The following WHRN variants were observed in gnomAD, a reference collection of about 807,000 sequenced individuals.
WHRN encodes the protein CASK-interacting protein CIP98.
WHRN carries 41 observed loss-of-function variants against 68.3 expected under a neutral mutation model. The observed-to-expected ratio is 0.60, with a 90% CI of 0.47 to 0.78. WHRN has a LOEUF of 0.78. Ranked by LOEUF, WHRN falls within the 30% of genes least tolerant of loss-of-function variation. The probability of loss-of-function intolerance (pLI) is 0.00; values close to 1 mark genes in which losing one functional copy is unlikely to be tolerated. For synonymous variants in WHRN, 560 were observed against 561.3 expected (o/e 1.00, Z 0.03); for missense variants, 1,243 against 1,244.7 (o/e 1.00, Z 0.02).
intron 1 of WHRN, among the ~76,000 whole-genome samples, chr9:114,482,511 A>G (rs916924417): frequency 4.6e-5 from 7 of 152,108 alleles, no homozygotes; most frequent in Non-Finnish European, 8.8e-5. Context: ...GAGAAGGACA[A>G]TGCTCACCTC....
Position 114,497,348 on chromosome 9 carries a change from G to A in WHRN, c.618+6836C>T, listed in dbSNP as rs1006082788. On this transcript the variant is annotated intron_variant, in intron 1 of 11. Transcript: ENST00000362057. The stretch of plus-strand genomic sequence containing the variant: ...GCAAAAGGAACACAAATTCTCAAAC[G>A]GGGAAGGAGCCAAAGGTGCTGGGAC... 2.6e-5 allele frequency among the ~76,000 whole-genome samples: 4 copies of A among 152,254 alleles called. No individual in the cohort carries two copies. In the East Asian group the frequency reaches 5.8e-4, roughly 22 times the overall value.
chr9:114,504,423 AGGC>A lies in WHRN; in HGVS notation c.376_378del (p.Ala126del), dbSNP rs777938907. The A allele has an allele frequency of 2.6e-5, 42 of 1,606,338 alleles. No individual in the cohort carries two copies. The highest frequency in any genetic ancestry group is 3.5e-5 in the Non-Finnish European group (41 of 1,179,458). On this transcript the variant is annotated inframe_deletion, in exon 1 of 12. Transcript: ENST00000362057. ...GGCCCCGCGCTGTCGGGGCCGCCCC[AGGC>A]GGGCTGCCTGTAGGGGGTGGTGGCG... is the stretch of plus-strand genomic sequence containing the variant.
At chr9:114,422,675 A>C (rs1018860485) in intron 7 of WHRN, among the ~76,000 whole-genome samples, 8 of 152,132 alleles carry the variant, frequency 5.3e-5, no homozygotes, top group Non-Finnish European at 1.2e-4. Context: ...CTCTACCCAA[A>C]AATACAAAAA....
chr9:114,426,020 T>G (rs150121300), intron 4 of WHRN, 191 bp downstream of exon 4: 1 of 699,448 alleles, frequency 1.4e-6, no homozygotes, highest in African/African-American at 1.8e-5. Flanking sequence ...GTATTTCAGC[T>G]TTCCATGGGG....
At chr9:114,436,479 T>C (rs1320230467) in intron 3 of WHRN, among the ~76,000 whole-genome samples, 5 of 152,168 alleles carry the variant, frequency 3.3e-5, no homozygotes, top group Non-Finnish European at 7.3e-5. Context: ...GGAGGTATAA[T>C]GGGAACTCTG....
chr9:114,462,315 C>A (rs1840313258), intron 3 of WHRN, among the ~76,000 whole-genome samples: 1 of 152,154 alleles, frequency 6.6e-6, no homozygotes, highest in South Asian at 2.1e-4. Context: ...TTCCTCCACT[C>A]ATTCAAAATT....
rs1838315266 is a variant in WHRN at position 114,440,877 on chromosome 9, T to G, written c.964-14464A>C. Among the ~76,000 whole-genome samples, 3 of 152,318 alleles carry G rather than the reference T, an allele frequency of 2.0e-5. No homozygotes were observed. In the South Asian group the frequency reaches 6.2e-4, roughly 32 times the overall value. ...ATATTTTTCAACATATTTTGTGCAC[T>G]ACCATAAAGCTTGAATAACACCATA... On this transcript the variant is annotated intron_variant, in intron 3 of 11. Coordinates refer to ENST00000362057, the MANE Select transcript of WHRN (RefSeq NM_015404.4).
Position 114,504,844 on chromosome 9 carries a change from G to C in WHRN, c.-43C>G. The C allele has an allele frequency of 7.3e-7, 1 of 1,360,896 alleles. No individual in the cohort carries two copies. The highest frequency in any genetic ancestry group is 1.5e-5 in the African/African-American group (1 of 64,984). The allele number at this position is 1,360,896 out of a possible 1,614,324, so 84.3% of individuals were successfully genotyped here. A position where few individuals can be genotyped will look rare whatever the true frequency, so the allele number is the denominator to read the frequency against. On this transcript the variant is annotated 5_prime_UTR_variant, in exon 1 of 12. Coordinates refer to ENST00000362057, the MANE Select transcript of WHRN (RefSeq NM_015404.4). ...GCCGGGCTCTGAGCGCGCGGGGTGT[G>C]GGCGGTGCCGCTGTCCTCGCGGGTA...
chr9:114,402,451 C>G lies in WHRN; in HGVS notation c.*303G>C. The G allele has an allele frequency of 2.3e-6, 1 of 440,582 alleles. No homozygotes were observed. Among genetic ancestry groups the G allele is most frequent in the East Asian group, 4.6e-5 (1 of 21,730 alleles). The allele number at this position is 440,582 out of a possible 1,614,324, so 27.3% of individuals were successfully genotyped here. On this transcript the variant is annotated 3_prime_UTR_variant, in exon 12 of 12. Coordinates refer to ENST00000362057, the MANE Select transcript of WHRN (RefSeq NM_015404.4). ...GGAGGGGGGACAGCAGTGCCCCCAA[C>G]CCAACCTGGAGAAACCAGCACTCTG...
intron 2 of WHRN, among the ~76,000 whole-genome samples, chr9:114,469,303 T>C (rs1404616747): frequency 2.0e-5 from 3 of 152,184 alleles, no homozygotes; most frequent in African/African-American, 4.8e-5. Flanking sequence ...TGGAGTTCCA[T>C]CTACAGGCTT....
chr9:114,418,013 C>G (rs1404595870), intron 7 of WHRN, among the ~76,000 whole-genome samples: 1 of 152,122 alleles, frequency 6.6e-6, no homozygotes, highest in Non-Finnish European at 1.5e-5. Flanking sequence ...GAGTGGAGTA[C>G]CGGTGTGGGG....
chr9:114,486,204 C>T (rs1589245197), intron 1 of WHRN, among the ~76,000 whole-genome samples: 1 of 152,148 alleles, frequency 6.6e-6, no homozygotes, highest in Non-Finnish European at 1.5e-5. Flanking sequence ...AACACGTGTC[C>T]CCCAACTTTC....
At chr9:114,472,478 A>G (rs1589218044) in intron 2 of WHRN, among the ~76,000 whole-genome samples, 1 of 151,872 alleles carries the variant, frequency 6.6e-6, no homozygotes, top group South Asian at 2.1e-4. Flanking sequence ...TTCTTTTGTC[A>G]CCTTCTTAGT....
Position 114,450,843 on chromosome 9 carries a change from A to G in WHRN, c.963+15424T>C, listed in dbSNP as rs550844062. On this transcript the variant is annotated intron_variant, in intron 3 of 11. Transcript: ENST00000362057. ...TATTAGTTTCCCCCCCCGCAAAAAA[A>G]TACTTTCTGCTGAGATACAGCTTTA... Among the ~76,000 whole-genome samples the G allele has an allele frequency of 5.3e-5, 8 of 151,566 alleles. No individual in the cohort carries two copies. In the East Asian group the frequency reaches 1.6e-3, roughly 29 times the overall value.
At position 114,504,678 on chromosome 9, in the gene WHRN, G is replaced by T; in HGVS notation, c.124C>A (p.Leu42Met). 6.3e-7 allele frequency: 1 copy of T among 1,599,200 alleles called. No homozygotes were observed. ...AGCAGCGCGGTCAGCGCTTGGTGCA[G>T]CTGGCGCACGTTGGCAGACAGTAAC... ...LRLLSANVRQ[L>M]HQALTALLSE... is the part of the protein sequence containing the mutation. The change falls in exon 1 of 12, where the codon CTG becomes ATG. Residue 42 changes from leucine (L) to methionine (M), a missense_variant. Transcript: ENST00000362057.
intron 3 of WHRN, among the ~76,000 whole-genome samples, chr9:114,442,820 ACT>A (rs1012832504): frequency 1.3e-5 from 2 of 152,192 alleles, no homozygotes; most frequent in Admixed American, 6.5e-5. Context: ...GCCAGACAAA[ACT>A]CTCTTCTTTA....
intron 2 of WHRN, among the ~76,000 whole-genome samples, chr9:114,473,867 G>C (rs1430931589): frequency 6.6e-6 from 1 of 152,200 alleles, no homozygotes; most frequent in East Asian, 1.9e-4. Flanking sequence ...CAGGTGATCA[G>C]TCCTGCAGCT....
At chr9:114,487,199 T>A (rs1239697777) in intron 1 of WHRN, among the ~76,000 whole-genome samples, 1 of 150,098 alleles carries the variant, frequency 6.7e-6, no homozygotes, top group Non-Finnish European at 1.5e-5. Flanking sequence ...TTTTTTTTTT[T>A]TTTTTGTCTA....
At chr9:114,475,075 T>G (rs1326173527) in intron 2 of WHRN, among the ~76,000 whole-genome samples, 1 of 152,124 alleles carries the variant, frequency 6.6e-6, no homozygotes, top group Non-Finnish European at 1.5e-5. Flanking sequence ...GTGCAGACAC[T>G]AGGGAAAACT....
Sources: allele counts gnomAD v4.1 joint callset (sites outside exome capture counted in the v4.1 genomes callset), GRCh38; gene constraint gnomAD v4.1.1; transcripts MANE v1.5; gene names NCBI Gene and HGNC (gene_info 2026-07-23, HGNC 2026-07-21).